Variants in LINGO2 observed in about 807,000 individuals in gnomAD.
The protein encoded by LINGO2 is leucine-rich repeat and immunoglobulin-like domain-containing nogo receptor-interacting protein 2.
A neutral mutation model predicts 30.6 loss-of-function variants in LINGO2; 14 were observed. The observed-to-expected ratio is 0.46, with a 90% confidence interval of 0.30 to 0.72. LINGO2 has a LOEUF of 0.72. Ranked by LOEUF, LINGO2 falls within the 30% of genes least tolerant of loss-of-function variation. LINGO2 has a pLI of 0.07. For missense variants in LINGO2, 729 were observed against 751.7 expected, an observed-to-expected ratio of 0.97 and a Z score of 0.35; for synonymous variants, 317 against 288.5, an observed-to-expected ratio of 1.10 and a Z score of -1.00.
the LINGO2 span, among the ~76,000 whole-genome samples, chr9:28,746,847 C>T: frequency 3.9e-5 from 6 of 151,938 alleles, no homozygotes; most frequent in Admixed American, 6.5e-5. Context: ...CCCATGACCT[C>T]GGAAACTTCA....
chr9:28,055,944 G>T (rs1041713388), intron 4 of LINGO2, among the ~76,000 whole-genome samples: 1 of 152,098 alleles, frequency 6.6e-6, no homozygotes, highest in Non-Finnish European at 1.5e-5. Flanking sequence ...GTTACTACTT[G>T]AATCTATCAT....
chr9:28,333,065 G>A (rs1825477301), intron 3 of LINGO2, among the ~76,000 whole-genome samples: 1 of 152,044 alleles, frequency 6.6e-6, no homozygotes, highest in Admixed American at 6.6e-5. Flanking sequence ...AAATCCAGCT[G>A]GTCTTTCCAA....
chr9:28,357,982 T>G (rs779321508), intron 3 of LINGO2, among the ~76,000 whole-genome samples: 1 of 152,144 alleles, frequency 6.6e-6, no homozygotes, highest in African/African-American at 2.4e-5. Context: ...ATTAAGACTT[T>G]AAAAAGTTAC....
chr9:28,986,146 TG>T, the LINGO2 span, among the ~76,000 whole-genome samples: 5 of 152,142 alleles, frequency 3.3e-5, no homozygotes, highest in South Asian at 8.3e-4. Context: ...TACACACCTT[TG>T]TTAAAAATCA....
At chr9:28,963,294 T>C in the LINGO2 span, among the ~76,000 whole-genome samples, 11 of 151,942 alleles carry the variant, frequency 7.2e-5, no homozygotes, top group African/African-American at 2.7e-4. Context: ...TAAGTAGCCA[T>C]ATATAGCTAA....
chr9:28,729,914 AT>A, the LINGO2 span, among the ~76,000 whole-genome samples: 3 of 152,072 alleles, frequency 2.0e-5, no homozygotes, highest in Admixed American at 2.0e-4. Context: ...GAGCATTTAT[AT>A]AGAATAATAT....
chr9:29,197,700 A>C, the LINGO2 span, among the ~76,000 whole-genome samples: 19 of 152,188 alleles, frequency 1.2e-4, no homozygotes, highest in Admixed American at 1.2e-3. Flanking sequence ...GCTTTGGTAA[A>C]GTTTCACTGT....
intron 2 of LINGO2, among the ~76,000 whole-genome samples, chr9:28,396,970 G>C (rs1209700869): frequency 2.0e-5 from 3 of 151,970 alleles, no homozygotes; most frequent in Non-Finnish European, 4.4e-5. Context: ...AGATGATTTT[G>C]CAAGTATTTT....
the LINGO2 span, among the ~76,000 whole-genome samples, chr9:28,819,606 C>A: frequency 6.6e-6 from 1 of 152,202 alleles, no homozygotes; most frequent in Non-Finnish European, 1.5e-5. Context: ...ACTCAAACAG[C>A]TATTATATTG....
chr9:28,994,986 A>G, the LINGO2 span, among the ~76,000 whole-genome samples: 20 of 152,162 alleles, frequency 1.3e-4, no homozygotes, highest in Non-Finnish European at 2.5e-4. Flanking sequence ...AAAACACCAA[A>G]AGCAATGGCA....
At position 28,084,396 on chromosome 9, in the gene LINGO2, G is replaced by A. The variant is rs573745798; in HGVS notation, c.-86-71991C>T. Among the ~76,000 whole-genome samples, 179 of 152,122 alleles carry A rather than the reference G, an allele frequency of 1.2e-3. 1 individual carries two copies. The highest frequency in any genetic ancestry group is 3.9e-3 in the African/African-American group (163 of 41,524). On this transcript the variant is annotated intron_variant, in intron 4 of 5. Coordinates refer to ENST00000379992, the Ensembl canonical transcript of LINGO2. ...TAAGTAAAATATTTATAATAAATAC[G>A]AATTGGATGAGTCTCCATTCCAAAG...
intron 4 of LINGO2, among the ~76,000 whole-genome samples, chr9:28,240,592 G>A (rs2133970800): frequency 6.6e-6 from 1 of 152,222 alleles, no homozygotes; most frequent in African/African-American, 2.4e-5. Context: ...TTATCTATAT[G>A]CAGAAGAATG....
At chr9:28,880,859 G>A in the LINGO2 span, among the ~76,000 whole-genome samples, 1 of 152,158 alleles carries the variant, frequency 6.6e-6, no homozygotes, top group Non-Finnish European at 1.5e-5. Flanking sequence ...ACTCCGCTGA[G>A]ATGTTTGGGT....
intron 1 of LINGO2, among the ~76,000 whole-genome samples, chr9:28,637,529 T>C (rs892356844): frequency 1.3e-5 from 2 of 152,192 alleles, no homozygotes; most frequent in African/African-American, 4.8e-5. Flanking sequence ...CTTGAAGAGG[T>C]CCTTCACATC....
chr9:28,665,686 T>C (rs1233229490), intron 1 of LINGO2, among the ~76,000 whole-genome samples: 2 of 152,280 alleles, frequency 1.3e-5, no homozygotes, highest in South Asian at 2.1e-4. Flanking sequence ...AGCACTTCTA[T>C]AGAGAAAATA....
intron 4 of LINGO2, among the ~76,000 whole-genome samples, chr9:28,139,810 G>A (rs554853356): frequency 6.6e-6 from 1 of 152,268 alleles, no homozygotes; most frequent in East Asian, 1.9e-4. Flanking sequence ...TTTTGAGTTT[G>A]AGGGGAAAAA....
At chr9:27,984,820 G>A (rs937484938) in intron 5 of LINGO2, among the ~76,000 whole-genome samples, 1 of 151,756 alleles carries the variant, frequency 6.6e-6, no homozygotes, top group Admixed American at 6.6e-5. Flanking sequence ...CCTATGTGGT[G>A]GCATTAGTAT....
the LINGO2 span, among the ~76,000 whole-genome samples, chr9:28,936,790 C>A: frequency 6.6e-6 from 1 of 152,124 alleles, no homozygotes; most frequent in Admixed American, 6.6e-5. Flanking sequence ...TTGTATTTGT[C>A]AGCTTGAGCT....
At chr9:29,063,851 A>AT in the LINGO2 span, among the ~76,000 whole-genome samples, 4,124 of 152,198 alleles carry the variant, frequency 0.027, 200 homozygotes, top group African/African-American at 0.095. Context: ...GCATTGTGTG[A>AT]TTTTAAATAC....
Sources: gnomAD v4.1 joint callset for allele counts (sites outside exome capture counted in the v4.1 genomes callset) on GRCh38, gnomAD v4.1.1 for gene constraint, MANE v1.5 for transcripts, NCBI Gene and HGNC (gene_info 2026-07-23, HGNC 2026-07-21) for gene names.